LSMEM1: variants seen among roughly 807,000 people sequenced by gnomAD.
LSMEM1 encodes the protein leucine rich single-pass membrane protein 1.
In LSMEM1, 10 loss-of-function variants were observed where a neutral mutation model predicts 11.3. The observed-to-expected ratio is 0.89, with a 90% CI of 0.55 to 1.50. The LOEUF (loss-of-function observed/expected upper bound fraction) is 1.50, where lower values mean the gene tolerates loss of function less well. LSMEM1 is among the 40% of genes most tolerant of loss of function. The probability of loss-of-function intolerance (pLI) is 0.00; values close to 1 mark genes in which losing one functional copy is unlikely to be tolerated. For missense variants in LSMEM1, 151 were observed against 152.9 expected (o/e 0.99, Z 0.06); for synonymous variants, 65 against 59.3 (o/e 1.10, Z -0.44).
At chr7:112,481,911 GTGA>G (rs1303942745) in intron 1 of LSMEM1, among the ~76,000 whole-genome samples, 1 of 152,250 alleles carries the variant, frequency 6.6e-6, no homozygotes, top group African/African-American at 2.4e-5. Flanking sequence ...TCAAGTTAGT[GTGA>G]TGAAGAATTG....
At chr7:112,483,583 C>T (rs1210692438) in intron 1 of LSMEM1, 3 of 152,128 alleles carry the variant, frequency 2.0e-5, no homozygotes, top group African/African-American at 7.2e-5. Flanking sequence ...GTAAAGAATC[C>T]AGCAAAGGCA....
chr7:112,484,945 T>C lies in LSMEM1; in HGVS notation c.127+2T>C. ...CAGCCGGATCGCAGCATCTGTTCCG[T>C]ATGTGTGCTGGGGAAGGCACAGCAG... is the stretch of plus-strand genomic sequence containing the variant. On this transcript the variant is annotated splice_donor_variant, in intron 2 of 3. Coordinates refer to ENST00000312849, the MANE Select transcript of LSMEM1 (RefSeq NM_182597.3). LOFTEE classifies it high-confidence loss of function. The C allele has an allele frequency of 6.2e-7, 1 of 1,611,898 alleles. No individual in the cohort carries two copies. Among genetic ancestry groups the C allele is most frequent in the Middle Eastern group, 1.7e-4 (1 of 6,046 alleles).
intron 1 of LSMEM1, among the ~76,000 whole-genome samples, chr7:112,482,360 GTGGCCA>G (rs1449583255): frequency 6.6e-6 from 1 of 152,104 alleles, no homozygotes; most frequent in Non-Finnish European, 1.5e-5. Context: ...GTCAGTTTTT[GTGGCCA>G]TGATTTTCTA....
chr7:112,483,963 G>T (rs923767695), intron 1 of LSMEM1, among the ~76,000 whole-genome samples: 1 of 152,338 alleles, frequency 6.6e-6, no homozygotes, highest in East Asian at 1.9e-4. Flanking sequence ...CAAGTTCTCT[G>T]TTGTGCTAGA....
rs966282651 is a variant in LSMEM1, at chr7:112,490,627, A to C, written c.*678A>C. The C allele has an allele frequency of 1.3e-5, 2 of 152,246 alleles. No homozygotes were observed. Among genetic ancestry groups the C allele is most frequent in the African/African-American group, 4.8e-5 (2 of 41,454 alleles). The allele number at this position is 152,246 out of a possible 1,614,324, so 9.4% of individuals were successfully genotyped here. ...ATCACTCTACTCAAGAGGAGCTCACATAAGAGTGCAGGATAAAGAAAGGAG... is the reference window on the plus strand; with the variant it reads ...ATCACTCTACTCAAGAGGAGCTCACCTAAGAGTGCAGGATAAAGAAAGGAG... On this transcript the variant is annotated 3_prime_UTR_variant, in exon 4 of 4. Coordinates refer to ENST00000312849, the MANE Select transcript of LSMEM1 (RefSeq NM_182597.3).
At chr7:112,487,390 C>G (rs1295869447) in intron 3 of LSMEM1, among the ~76,000 whole-genome samples, 1 of 152,262 alleles carries the variant, frequency 6.6e-6, no homozygotes, top group Non-Finnish European at 1.5e-5. Flanking sequence ...GCCTAGATTT[C>G]TCCACTAAAT....
At chr7:112,480,740 C>G (rs1305381542), upstream of LSMEM1, 14 of 449,664 alleles carry the variant, frequency 3.1e-5, no homozygotes, top group Admixed American at 3.3e-4. Context: ...CGCCCACTCA[C>G]AATCGCTTTT....
intron 2 of LSMEM1, among the ~76,000 whole-genome samples, chr7:112,485,485 T>A (rs188230029): frequency 3.9e-5 from 6 of 152,346 alleles, no homozygotes; most frequent in Admixed American, 1.3e-4. Flanking sequence ...CAGATCACTC[T>A]GAGTGCCATC....
At chr7:112,488,123 AG>A (rs1446421977) in intron 3 of LSMEM1, among the ~76,000 whole-genome samples, 3 of 152,136 alleles carry the variant, frequency 2.0e-5, no homozygotes, top group South Asian at 2.1e-4. Flanking sequence ...TCTGGAGAAA[AG>A]GGTTGGGACT....
rs1195445582 is a variant in LSMEM1, at chr7:112,490,191, C to G, written c.*242C>G. The G allele has an allele frequency of 2.4e-6, 1 of 416,614 alleles. No individual in the cohort carries two copies. Among genetic ancestry groups the G allele is most frequent in the East Asian group, 3.9e-5 (1 of 25,560 alleles). 25.8% of individuals were successfully genotyped at this position (416,614 alleles called of 1,614,324 possible). On this transcript the variant is annotated 3_prime_UTR_variant, in exon 4 of 4. Coordinates refer to ENST00000312849, the MANE Select transcript of LSMEM1 (RefSeq NM_182597.3). Reference sequence around the variant, plus strand: ...CCCCTTTTATGGTAGGGCACTTCAACTTTAATGGGGTGGGCGGCTAGCAGG... The same window carrying G: ...CCCCTTTTATGGTAGGGCACTTCAAGTTTAATGGGGTGGGCGGCTAGCAGG...
Position 112,490,024 on chromosome 7 carries a change from T to A in LSMEM1, c.*75T>A. 4.7e-6 allele frequency: 7 copies of A among 1,486,254 alleles called. No homozygotes were observed. The highest frequency in any genetic ancestry group is 6.3e-6 in the Non-Finnish European group (7 of 1,110,832). The allele number at this position is 1,486,254 out of a possible 1,614,324, so 92.1% of individuals were successfully genotyped here. A position where few individuals can be genotyped will look rare whatever the true frequency, so the allele number is the denominator to read the frequency against. ...CCTGGGAGTGTACAGGGTTAGGAAC[T>A]GAGAAAGTGCACTTCCTCAGGCAAC... On this transcript the variant is annotated 3_prime_UTR_variant, in exon 4 of 4. Transcript: ENST00000312849.
chr7:112,486,295 C>A, intron 2 of LSMEM1: 1 of 419,210 alleles, frequency 2.4e-6, no homozygotes, highest in Non-Finnish European at 4.8e-6. Flanking sequence ...CACTCTTAGC[C>A]TTTAACTTCT....
chr7:112,487,105 T>TG, intron 3 of LSMEM1, 54 bp downstream of exon 3: 1 of 1,587,420 alleles, frequency 6.3e-7, no homozygotes, highest in South Asian at 1.1e-5. Context: ...TATTCATAGC[T>TG]GGTTAACTTT....
chr7:112,482,104 G>A (rs1485752280), intron 1 of LSMEM1, among the ~76,000 whole-genome samples: 1 of 152,148 alleles, frequency 6.6e-6, no homozygotes, highest in Non-Finnish European at 1.5e-5. Flanking sequence ...CAGGCTCTTG[G>A]AGCCCTGGAA....
At chr7:112,485,509 A>C (rs538005268) in intron 2 of LSMEM1, among the ~76,000 whole-genome samples, 29 of 152,342 alleles carry the variant, frequency 1.9e-4, no homozygotes, top group African/African-American at 6.5e-4. Context: ...TCTAGCTTAA[A>C]TGCTGACATT....
intron 1 of LSMEM1, among the ~76,000 whole-genome samples, chr7:112,482,887 G>T (rs963651317): frequency 1.3e-5 from 2 of 151,100 alleles, no homozygotes; most frequent in African/African-American, 4.9e-5. Flanking sequence ...TCAGGGAATT[G>T]TTTGTTCTTG....
At chr7:112,484,005 T>C (rs1796082664) in intron 1 of LSMEM1, among the ~76,000 whole-genome samples, 1 of 152,220 alleles carries the variant, frequency 6.6e-6, no homozygotes, top group Non-Finnish European at 1.5e-5. Context: ...TTTAAACTCT[T>C]CAGGATTTTC....
At chr7:112,484,138 T>C (rs561043864) in intron 1 of LSMEM1, among the ~76,000 whole-genome samples, 1 of 152,336 alleles carries the variant, frequency 6.6e-6, no homozygotes, top group African/African-American at 2.4e-5. Context: ...TCAGAGGTCC[T>C]GAAGTCTAGC....
chr7:112,481,724 T>C (rs1796036473), intron 1 of LSMEM1, among the ~76,000 whole-genome samples: 1 of 152,238 alleles, frequency 6.6e-6, no homozygotes, highest in Non-Finnish European at 1.5e-5. Context: ...TATTTGTAAA[T>C]AGTCAAAGAA....
Sources: allele counts gnomAD v4.1 joint callset (sites outside exome capture counted in the v4.1 genomes callset), GRCh38; gene constraint gnomAD v4.1.1; transcripts MANE v1.5; gene names NCBI Gene and HGNC (gene_info 2026-07-23, HGNC 2026-07-21).